FBRSL1: variants seen among roughly 807,000 people sequenced by gnomAD.
FBRSL1 encodes the protein fibrosin like 1.
In FBRSL1, 51 loss-of-function variants were observed where a neutral mutation model predicts 89.6. That is an observed-to-expected ratio of 0.57 (90% confidence interval 0.45 to 0.72). The LOEUF (loss-of-function observed/expected upper bound fraction) is 0.72. Among genes scored for constraint, FBRSL1 ranks in the 30% least tolerant of loss-of-function variants. The pLI is 0.00. For missense variants in FBRSL1, 1,618 were observed against 1,451.8 expected (o/e 1.11, Z -1.86); for synonymous variants, 779 against 681.1 (o/e 1.14, Z -2.24).
intron 4 of FBRSL1, among the ~76,000 whole-genome samples, chr12:132,544,890 G>A (rs2037556553): frequency 6.6e-6 from 1 of 152,142 alleles, no homozygotes; most frequent in Non-Finnish European, 1.5e-5. Flanking sequence ...TGGTAGTGAT[G>A]ATACTGTCAT....
intron 5 of FBRSL1, chr12:132,554,407 T>C (rs559045296): frequency 6.6e-6 from 1 of 152,392 alleles, no homozygotes; most frequent in African/African-American, 2.4e-5. Context: ...AGAGTGGATT[T>C]GGAACAGAAC....
At chr12:132,571,422 GCACACACACCAGCACACGCACCAA>G (rs752732640) in intron 9 of FBRSL1, 191 bp downstream of exon 9, 26 of 1,550,672 alleles carry the variant, frequency 1.7e-5, no homozygotes, top group Admixed American at 3.9e-5. Context: ...ATCAGCACCA[GCACACACACCAGCACACGCACCAA>G]CACACACACC....
Position 132,497,042 on chromosome 12 carries a change from G to C in FBRSL1, c.291+6181G>C, listed in dbSNP as rs1459504623. Among the ~76,000 whole-genome samples the C allele has an allele frequency of 2.6e-5, 4 of 152,276 alleles. No individual in the cohort carries two copies. In the East Asian group the frequency reaches 7.7e-4, roughly 29 times the overall value. On this transcript the variant is annotated intron_variant, in intron 1 of 18. Coordinates refer to ENST00000680143, the MANE Select transcript of FBRSL1 (RefSeq NM_001367871.1). The stretch of plus-strand genomic sequence containing the variant: ...TCTCATTTCGGGTTGTTTGCCGACG[G>C]TTCGGATTTTTGCCACCCTGTTTCT...
intron 2 of FBRSL1, among the ~76,000 whole-genome samples, chr12:132,523,114 G>A (rs964949753): frequency 2.0e-5 from 3 of 152,162 alleles, no homozygotes; most frequent in South Asian, 2.1e-4. Flanking sequence ...GGCCCCAGAC[G>A]TGGACTTGTC....
intron 5 of FBRSL1, among the ~76,000 whole-genome samples, chr12:132,562,315 C>T (rs1354500584): frequency 6.6e-6 from 1 of 151,980 alleles, no homozygotes; most frequent in Non-Finnish European, 1.5e-5. Flanking sequence ...AGCCAGGATT[C>T]TAGGGGTGGT....
intron 6 of FBRSL1, 99 bp downstream of exon 6, chr12:132,567,625 T>G: frequency 1.6e-6 from 2 of 1,279,100 alleles, no homozygotes; most frequent in Non-Finnish European, 2.2e-6. Flanking sequence ...AGGGGAGAGA[T>G]GGTCTTGGCA....
intron 6 of FBRSL1, among the ~76,000 whole-genome samples, chr12:132,569,499 A>C (rs2039862925): frequency 6.6e-6 from 1 of 152,154 alleles, no homozygotes; most frequent in African/African-American, 2.4e-5. Flanking sequence ...GGCCGTGAAC[A>C]TGAGGCCTAG....
chr12:132,573,331 C>T lies in FBRSL1; in HGVS notation c.1530+709C>T, dbSNP rs576413736. ...CTGCCCTGAAGGGCCCAGCACGCAC[C>T]CCTGGGCTCCCCTGGGGCACCGCCC... is the stretch of plus-strand genomic sequence containing the variant. On this transcript the variant is annotated intron_variant, in intron 11 of 18. Transcript: ENST00000680143. Among the ~76,000 whole-genome samples the T allele has an allele frequency of 1.3e-4, 20 of 152,328 alleles. 1 individual carries two copies. In the South Asian group the frequency reaches 3.7e-3, roughly 28 times the overall value.
rs1217412380 is a variant in FBRSL1, at chr12:132,570,426, C to T, written c.1099C>T (p.Leu367Phe). The T allele has an allele frequency of 2.0e-6, 3 of 1,535,086 alleles. No individual in the cohort carries two copies. The highest frequency in any genetic ancestry group is 2.4e-5 in the South Asian group (2 of 83,772). Residue 367 changes from leucine to phenylalanine, a missense_variant, in exon 8 of 19, where the codon CTC becomes TTC. Coordinates refer to ENST00000680143, the MANE Select transcript of FBRSL1 (RefSeq NM_001367871.1). ...GPHLSTSHLALRSQAQHQLHA... is the reference protein window; with the variant it reads ...GPHLSTSHLAFRSQAQHQLHA... The stretch of plus-strand genomic sequence containing the variant: ...CCACCTGTCTACCTCACACCTGGCG[C>T]TCCGGTCCCAGGCGCAGCACCAGCT...
chr12:132,558,036 C>T (rs1050698052), intron 5 of FBRSL1, among the ~76,000 whole-genome samples: 7 of 148,752 alleles, frequency 4.7e-5, no homozygotes, highest in African/African-American at 7.4e-5. Flanking sequence ...CCCCTCCCCC[C>T]GCCCGTTCCC....
chr12:132,582,857 G>C (rs552136567), intron 18 of FBRSL1, 114 bp from the exon 19 acceptor site: 1 of 846,560 alleles, frequency 1.2e-6, no homozygotes, highest in Non-Finnish European at 1.6e-6. Context: ...GTGCTGAGGG[G>C]TCACCGGCCA....
chr12:132,569,953 A>G lies in FBRSL1; in HGVS notation c.719A>G (p.Lys240Arg). The G allele has an allele frequency of 2.1e-6, 3 of 1,428,100 alleles. No individual in the cohort carries two copies. The highest frequency in any genetic ancestry group is 1.5e-5 in the South Asian group (1 of 67,252). The allele number at this position is 1,428,100 out of a possible 1,614,324, so 88.5% of individuals were successfully genotyped here. A position where few individuals can be genotyped will look rare whatever the true frequency, so the allele number is the denominator to read the frequency against. ...CCAGCGCTTGAGAAGTCGGAGGCCA[A>G]GGCCGGGCCGGTGCCCAAGGTGTCA... ...KGPALEKSEA[K>R]AGPVPKVSGL... The change falls in exon 7 of 19, where the codon AAG (lysine) becomes AGG (arginine). Residue 240 changes from lysine (K) to arginine (R), a missense_variant. Transcript: ENST00000680143.
At chr12:132,525,701 G>C in intron 2 of FBRSL1, 33 bp from the exon 3 acceptor site, 3 of 1,517,058 alleles carry the variant, frequency 2.0e-6, no homozygotes, top group South Asian at 2.4e-5. Context: ...TGAGGTGGGG[G>C]TTTGCCTGAG....
chr12:132,510,513 C>G lies in FBRSL1; in HGVS notation c.489+2163C>G, dbSNP rs2034211925. 3.2e-6 allele frequency: 4 copies of G among 1,231,850 alleles called. No homozygotes were observed. The East Asian group carries it at 9.5e-5, about 29-fold the overall frequency. 76.3% of individuals were successfully genotyped at this position (1,231,850 alleles called of 1,614,324 possible). A position where few individuals can be genotyped will look rare whatever the true frequency, so the allele number is the denominator to read the frequency against. The stretch of plus-strand genomic sequence containing the variant: ...CAGTGTGATCTGCACCCTGGCAGGG[C>G]CCCAAGGGCCAAGGCCGCATTGCCC... On this transcript the variant is annotated intron_variant, in intron 2 of 18. Coordinates refer to ENST00000680143, the MANE Select transcript of FBRSL1 (RefSeq NM_001367871.1).
intron 3 of FBRSL1, among the ~76,000 whole-genome samples, chr12:132,526,847 C>A (rs571645362): frequency 1.3e-5 from 2 of 152,212 alleles, no homozygotes; most frequent in East Asian, 3.9e-4. Context: ...CAGCCCTGAG[C>A]CTGTTTCCCC....
chr12:132,511,700 C>T, intron 2 of FBRSL1: 1 of 985,410 alleles, frequency 1.0e-6, no homozygotes, highest in Non-Finnish European at 1.2e-6. Context: ...GATGGGTGTC[C>T]CTGGCTCCCA....
chr12:132,570,968 G>A, intron 8 of FBRSL1, 100 bp from the exon 9 acceptor site: 1 of 818,472 alleles, frequency 1.2e-6, no homozygotes, highest in Non-Finnish European at 1.5e-6. Context: ...CCCAGGCTGG[G>A]GACGGCCCCG....
chr12:132,545,265 C>T (rs1017810858), intron 4 of FBRSL1, among the ~76,000 whole-genome samples: 2 of 152,228 alleles, frequency 1.3e-5, no homozygotes, highest in Admixed American at 1.3e-4. Context: ...CCTGAGCCCC[C>T]GAGCCCAGCC....
At chr12:132,575,280 T>G (rs771158804) in intron 14 of FBRSL1, among the ~76,000 whole-genome samples, 19 of 152,250 alleles carry the variant, frequency 1.2e-4, no homozygotes, top group African/African-American at 3.6e-4. Context: ...CAGGCTGGAG[T>G]GCAGTGGCGC....
Sources: allele counts gnomAD v4.1 joint callset (sites outside exome capture counted in the v4.1 genomes callset), GRCh38; gene constraint gnomAD v4.1.1; transcripts MANE v1.5; gene names NCBI Gene and HGNC (gene_info 2026-07-23, HGNC 2026-07-21).